Variants in SLIT3 observed in about 807,000 individuals in gnomAD.
SLIT3 encodes slit homolog 3 protein.
A neutral mutation model predicts 184.0 loss-of-function variants in SLIT3; 68 were observed. The ratio of observed to expected loss-of-function variants is 0.37; its 90% CI spans 0.30 to 0.45. The LOEUF (loss-of-function observed/expected upper bound fraction) is 0.45, where lower values mean the gene tolerates loss of function less well. Among genes scored for constraint, SLIT3 ranks in the 20% least tolerant of loss-of-function variants. SLIT3 has a pLI of 1.00. For missense variants in SLIT3, 1,707 were observed against 2,026.0 expected, an observed-to-expected ratio of 0.84 and a Z score of 3.02; for synonymous variants, 831 against 828.6, an observed-to-expected ratio of 1.00 and a Z score of -0.05.
At chr5:169,062,415 C>T (rs575560429) in intron 4 of SLIT3, among the ~76,000 whole-genome samples, 1 of 152,306 alleles carries the variant, frequency 6.6e-6, no homozygotes, top group African/African-American at 2.4e-5. Flanking sequence ...TTCTCCTTAC[C>T]TTCATAGTGT....
At chr5:169,089,019 CAAAAAAAAAAAAAAAAAAAAAAA>C (rs570118972) in intron 4 of SLIT3, among the ~76,000 whole-genome samples, 3 of 25,540 alleles carry the variant, frequency 1.2e-4, no homozygotes, top group Non-Finnish European at 1.5e-4. Context: ...GACTCCATCT[CAAAAAAAAAAAAAAAAAAAAAAA>C]AAAAAAAAAA....
intron 4 of SLIT3, among the ~76,000 whole-genome samples, chr5:169,057,912 G>T (rs1024083003): frequency 1.3e-5 from 2 of 152,220 alleles, no homozygotes; most frequent in Non-Finnish European, 2.9e-5. Flanking sequence ...TATGGGGAAG[G>T]TGTAGAGTTT....
intron 4 of SLIT3, among the ~76,000 whole-genome samples, chr5:168,980,733 T>C (rs997789951): frequency 2.6e-5 from 4 of 152,192 alleles, no homozygotes; most frequent in African/African-American, 9.6e-5. Context: ...AGTAACACTA[T>C]TGATAACAGC....
intron 1 of SLIT3, among the ~76,000 whole-genome samples, chr5:169,269,126 C>T (rs1287196871): frequency 6.6e-6 from 1 of 152,174 alleles, no homozygotes. Context: ...TGAAGGTGCC[C>T]AGCTTGTCTC....
intron 4 of SLIT3, among the ~76,000 whole-genome samples, chr5:169,115,699 CA>C (rs1760638271): frequency 6.6e-6 from 1 of 152,152 alleles, no homozygotes; most frequent in African/African-American, 2.4e-5. Flanking sequence ...GTGTAGAAAC[CA>C]GAATATCTAA....
intron 4 of SLIT3, among the ~76,000 whole-genome samples, chr5:169,076,413 C>A (rs147068579): frequency 6.6e-6 from 1 of 152,280 alleles, no homozygotes; most frequent in African/African-American, 2.4e-5. Flanking sequence ...GCAAGAAAAG[C>A]AGCACTAGAG....
At chr5:169,079,490 G>A (rs571159443) in intron 4 of SLIT3, among the ~76,000 whole-genome samples, 4 of 134,158 alleles carry the variant, frequency 3.0e-5, no homozygotes, top group Admixed American at 7.3e-5. Context: ...TGGGGGAGGA[G>A]GGGGGGAGGG....
intron 19 of SLIT3, 97 bp from the exon 20 acceptor site, chr5:168,748,531 G>A: frequency 8.3e-7 from 1 of 1,199,524 alleles, no homozygotes; most frequent in Non-Finnish European, 1.1e-6. Flanking sequence ...AAGACAAGTT[G>A]TCCCCTGTCC....
chr5:168,771,920 C>T (rs1313310835), intron 14 of SLIT3, among the ~76,000 whole-genome samples: 1 of 152,218 alleles, frequency 6.6e-6, no homozygotes, highest in Non-Finnish European at 1.5e-5. Flanking sequence ...TGAGGGTTGG[C>T]TGCAACCCGC....
intron 4 of SLIT3, among the ~76,000 whole-genome samples, chr5:169,043,002 T>C (rs943090623): frequency 2.6e-5 from 4 of 152,224 alleles, no homozygotes; most frequent in African/African-American, 9.6e-5. Flanking sequence ...ATCCATTATT[T>C]ATAGAATGAG....
chr5:169,126,705 C>G (rs544325153), intron 4 of SLIT3, among the ~76,000 whole-genome samples: 8 of 152,208 alleles, frequency 5.3e-5, no homozygotes, highest in Non-Finnish European at 1.0e-4. Flanking sequence ...TGGAGATGCC[C>G]GAGTCTGCCA....
intron 4 of SLIT3, among the ~76,000 whole-genome samples, chr5:168,941,045 T>C (rs1355757309): frequency 6.6e-6 from 1 of 152,170 alleles, no homozygotes; most frequent in African/African-American, 2.4e-5. Context: ...ATTTTAACTT[T>C]TGAAACCTTT....
At chr5:168,979,991 G>A (rs751689863) in intron 4 of SLIT3, among the ~76,000 whole-genome samples, 1 of 152,070 alleles carries the variant, frequency 6.6e-6, no homozygotes, top group Non-Finnish European at 1.5e-5. Flanking sequence ...TGGGCAAAAA[G>A]GGGCTTCCCT....
intron 4 of SLIT3, among the ~76,000 whole-genome samples, chr5:168,953,214 A>G (rs575024927): frequency 8.7e-4 from 132 of 152,300 alleles, no homozygotes; most frequent in Non-Finnish European, 1.4e-3. Context: ...GGTCAGTATA[A>G]CCCAAATGGA....
At chr5:168,874,692 T>TG (rs1759665566) in intron 5 of SLIT3, among the ~76,000 whole-genome samples, 1 of 152,252 alleles carries the variant, frequency 6.6e-6, no homozygotes. Context: ...AATTCTGGGA[T>TG]GGGGCATTTA....
At chr5:168,934,969 A>T (rs1762105281) in intron 4 of SLIT3, among the ~76,000 whole-genome samples, 1 of 150,000 alleles carries the variant, frequency 6.7e-6, no homozygotes, top group South Asian at 2.1e-4. Flanking sequence ...CTCTACTAAA[A>T]AAAAAAAAAA....
At chr5:168,694,304 G>A (rs1761990064) in intron 28 of SLIT3, among the ~76,000 whole-genome samples, 1 of 152,076 alleles carries the variant, frequency 6.6e-6, no homozygotes, top group African/African-American at 2.4e-5. Flanking sequence ...TTCACTACTG[G>A]GATTTCTGTC....
At chr5:169,065,672 C>T (rs550241976) in intron 4 of SLIT3, among the ~76,000 whole-genome samples, 3 of 152,290 alleles carry the variant, frequency 2.0e-5, no homozygotes, top group Admixed American at 1.3e-4. Context: ...CACTGCTATT[C>T]CCATGCCACT....
chr5:168,804,926 G>T (rs1259601231), intron 9 of SLIT3, among the ~76,000 whole-genome samples: 2 of 152,138 alleles, frequency 1.3e-5, no homozygotes, highest in African/African-American at 4.8e-5. Context: ...CTGGCCTTCT[G>T]GAGCATCAGG....
Sources: allele counts gnomAD v4.1 joint callset (sites outside exome capture counted in the v4.1 genomes callset), GRCh38; gene constraint gnomAD v4.1.1; transcripts MANE v1.5; gene names NCBI Gene and HGNC (gene_info 2026-07-23, HGNC 2026-07-21).